The following SNTG1 variants were observed in gnomAD, a reference collection of about 807,000 sequenced individuals.
SNTG1 encodes the protein syntrophin gamma 1, also known as gamma-1-syntrophin.
Under a neutral mutation model 74.7 loss-of-function variants are expected in SNTG1, and 39 were observed. The ratio of observed to expected loss-of-function variants is 0.52; its 90% CI spans 0.40 to 0.68. The LOEUF (loss-of-function observed/expected upper bound fraction) is 0.68. SNTG1 is among the 30% of genes least tolerant of loss of function. The pLI is 0.00. For missense variants in SNTG1, 685 were observed against 609.5 expected, an observed-to-expected ratio of 1.12 and a Z score of -1.30; for synonymous variants, 254 against 217.1, an observed-to-expected ratio of 1.17 and a Z score of -1.49.
intron 1 of SNTG1, among the ~76,000 whole-genome samples, chr8:50,067,647 T>G (rs1267112069): frequency 6.6e-6 from 1 of 152,218 alleles, no homozygotes; most frequent in African/African-American, 2.4e-5. Flanking sequence ...TTATTTTTGT[T>G]AGGTACAAAC....
intron 15 of SNTG1, among the ~76,000 whole-genome samples, chr8:50,694,385 G>A (rs1390881276): frequency 6.6e-6 from 1 of 151,930 alleles, no homozygotes; most frequent in African/African-American, 2.4e-5. Flanking sequence ...AAGAGTAAAT[G>A]CTGAAAAAAT....
At chr8:50,309,172 A>G (rs570926073) in intron 2 of SNTG1, among the ~76,000 whole-genome samples, 25 of 152,300 alleles carry the variant, frequency 1.6e-4, no homozygotes, top group African/African-American at 5.5e-4. Context: ...GAAAGCCACA[A>G]GCTTTTGGTT....
intron 12 of SNTG1, among the ~76,000 whole-genome samples, chr8:50,589,916 A>G (rs529433120): frequency 1.3e-5 from 2 of 152,302 alleles, no homozygotes; most frequent in African/African-American, 2.4e-5. Flanking sequence ...TCTGTACCTA[A>G]CCTTGCTCAG....
chr8:50,011,846 C>A (rs570107673), intron 1 of SNTG1: 1 of 152,298 alleles, frequency 6.6e-6, no homozygotes, highest in East Asian at 1.9e-4. Flanking sequence ...GACAGCAGAC[C>A]TGCCTTCACA....
intron 2 of SNTG1, among the ~76,000 whole-genome samples, chr8:50,198,635 T>C (rs1264284491): frequency 6.6e-6 from 1 of 152,170 alleles, no homozygotes; most frequent in Non-Finnish European, 1.5e-5. Flanking sequence ...AAAGCATCCA[T>C]TTCTTTTTTA....
chr8:50,206,353 T>G (rs1024938697), intron 2 of SNTG1, among the ~76,000 whole-genome samples: 4 of 152,110 alleles, frequency 2.6e-5, no homozygotes, highest in African/African-American at 7.2e-5. Flanking sequence ...GTTCACTCTT[T>G]ATTTGGCTCT....
At chr8:50,524,689 A>ATAT (rs35333640) in intron 9 of SNTG1, among the ~76,000 whole-genome samples, 61,365 of 151,800 alleles carry the variant, frequency 0.4, 16,722 homozygotes, top group African/African-American at 0.78. Context: ...AACTACATAC[A>ATAT]TATTTACATT....
intron 2 of SNTG1, among the ~76,000 whole-genome samples, chr8:50,357,076 C>T (rs1240768892): frequency 6.6e-6 from 1 of 152,194 alleles, no homozygotes; most frequent in Non-Finnish European, 1.5e-5. Context: ...TTGGCCTTCC[C>T]TCCGTGGTTT....
chr8:50,078,734 C>A (rs774317931), intron 1 of SNTG1, among the ~76,000 whole-genome samples: 1 of 152,044 alleles, frequency 6.6e-6, no homozygotes, highest in Non-Finnish European at 1.5e-5. Flanking sequence ...CTCGACAGGC[C>A]CCAGCGTGTG....
At chr8:50,785,859 A>G (rs1314339934) in intron 18 of SNTG1, among the ~76,000 whole-genome samples, 5 of 152,026 alleles carry the variant, frequency 3.3e-5, no homozygotes, top group African/African-American at 7.2e-5. Flanking sequence ...GTAGATATAT[A>G]TCTTAAAATC....
At chr8:50,542,108 A>C (rs568936964) in intron 11 of SNTG1, among the ~76,000 whole-genome samples, 4 of 144,652 alleles carry the variant, frequency 2.8e-5, no homozygotes, top group African/African-American at 5.2e-5. Context: ...GTATATGTAT[A>C]TATACATATA....
intron 1 of SNTG1, among the ~76,000 whole-genome samples, chr8:50,128,065 A>T (rs752731311): frequency 6.6e-6 from 1 of 152,106 alleles, no homozygotes. Context: ...AATCACTGAA[A>T]CTTAGTAGCA....
chr8:50,203,119 G>A (rs372469182), intron 2 of SNTG1, among the ~76,000 whole-genome samples: 1 of 151,760 alleles, frequency 6.6e-6, no homozygotes, highest in African/African-American at 2.4e-5. Context: ...TTTCAGTTGG[G>A]AAGTTCCTGT....
intron 2 of SNTG1, among the ~76,000 whole-genome samples, chr8:50,257,802 G>T (rs9298295): frequency 6.6e-6 from 1 of 152,098 alleles, no homozygotes; most frequent in East Asian, 1.9e-4. Context: ...CCCTACTGCC[G>T]CAAATGGAGC....
chr8:50,406,909 ATC>A (rs2092883202), intron 4 of SNTG1, among the ~76,000 whole-genome samples: 1 of 152,114 alleles, frequency 6.6e-6, no homozygotes, highest in African/African-American at 2.4e-5. Flanking sequence ...CTAGGTCTGC[ATC>A]TGAGGAAAGC....
At chr8:50,641,394 G>T (rs1159645922) in intron 13 of SNTG1, among the ~76,000 whole-genome samples, 1 of 152,146 alleles carries the variant, frequency 6.6e-6, no homozygotes, top group African/African-American at 2.4e-5. Flanking sequence ...TTCTGCTGTG[G>T]CTGGAAAGGA....
chr8:50,478,928 C>T (rs1180837294), intron 8 of SNTG1, among the ~76,000 whole-genome samples: 1 of 152,100 alleles, frequency 6.6e-6, no homozygotes, highest in Non-Finnish European at 1.5e-5. Context: ...TAATCTAATA[C>T]TTTTTCCTGT....
intron 18 of SNTG1, among the ~76,000 whole-genome samples, chr8:50,760,710 A>C (rs2095596134): frequency 6.6e-6 from 1 of 152,044 alleles, no homozygotes; most frequent in African/African-American, 2.4e-5. Flanking sequence ...GATCACACAG[A>C]AATACAAGCT....
rs554360509 is a variant in SNTG1, at chr8:50,615,086, G to A, written c.849+24169G>A. Among the ~76,000 whole-genome samples the A allele has an allele frequency of 1.6e-4, 24 of 151,804 alleles. No homozygotes were observed. In the East Asian group the frequency reaches 3.7e-3, roughly 23 times the overall value. ...GCCTCCCGAGTAGCTAGGACTACCC[G>A]CGCCTGACACCATGCCCAGCTAATT... On this transcript the variant is annotated intron_variant, in intron 13 of 18. Coordinates refer to ENST00000642720, the MANE Select transcript of SNTG1 (RefSeq NM_018967.5).
Sources: gnomAD v4.1 joint callset for allele counts (sites outside exome capture counted in the v4.1 genomes callset) on GRCh38, gnomAD v4.1.1 for gene constraint, MANE v1.5 for transcripts, NCBI Gene and HGNC (gene_info 2026-07-23, HGNC 2026-07-21) for gene names.